C3orf20: variants seen among roughly 807,000 people sequenced by gnomAD.
The protein encoded by C3orf20 is family with sequence similarity 149 member C, also known as uncharacterized protein C3orf20.
A neutral mutation model predicts 88.3 loss-of-function variants in C3orf20; 76 were observed. The ratio of observed to expected loss-of-function variants is 0.86; its 90% CI spans 0.72 to 1.04. The LOEUF is 1.04. C3orf20 is among the 50% of genes least tolerant of loss of function. The pLI is 0.00. For missense variants in C3orf20, 1,056 were observed against 1,123.3 expected, an observed-to-expected ratio of 0.94 and a Z score of 0.86; for synonymous variants, 436 against 437.4, an observed-to-expected ratio of 1.00 and a Z score of 0.04.
At chr3:14,735,315 A>G (rs945711449) in intron 12 of C3orf20, among the ~76,000 whole-genome samples, 1 of 151,280 alleles carries the variant, frequency 6.6e-6, no homozygotes, top group Non-Finnish European at 1.5e-5. Context: ...TTTTTGCCTG[A>G]TTGTGTATTA....
rs1246092030 is a variant in C3orf20 at position 14,701,814 on chromosome 3, C to A, written c.746-1316C>A. On this transcript the variant is annotated intron_variant, in intron 5 of 16. Transcript: ENST00000253697. This position sits in a 1 kb window ranked among gnomAD's most constrained non-coding sequence, Gnocchi z 4.6. ...CTGGAAATGCTCTCTTTTCCTGGAACCCGGGGAGACATGGCCAGTCTCATC... is the reference window on the plus strand; with the variant it reads ...CTGGAAATGCTCTCTTTTCCTGGAAACCGGGGAGACATGGCCAGTCTCATC... Among the ~76,000 whole-genome samples, 5 of 152,284 alleles carry A rather than the reference C, an allele frequency of 3.3e-5. No individual in the cohort carries two copies. The highest frequency in any genetic ancestry group is 3.3e-4 in the Admixed American group (5 of 15,296).
At chr3:14,729,348 C>T (rs1192370180) in intron 12 of C3orf20, among the ~76,000 whole-genome samples, 6 of 152,144 alleles carry the variant, frequency 3.9e-5, no homozygotes, top group South Asian at 4.2e-4. Context: ...CACCAGGCAG[C>T]GGGCACAGCA....
At chr3:14,676,855 T>C (rs572858125) in intron 1 of C3orf20, among the ~76,000 whole-genome samples, 3 of 152,374 alleles carry the variant, frequency 2.0e-5, no homozygotes, top group South Asian at 4.1e-4. Flanking sequence ...CTCAATCTTA[T>C]GTGCAGTGGC....
chr3:14,676,028 T>C (rs1333859803), intron 1 of C3orf20, among the ~76,000 whole-genome samples: 1 of 152,016 alleles, frequency 6.6e-6, no homozygotes, highest in African/African-American at 2.4e-5. Context: ...TCTCCCTAAG[T>C]CTGAAAGCTC....
chr3:14,719,865 A>G (rs1053642714), intron 9 of C3orf20, among the ~76,000 whole-genome samples: 4 of 152,118 alleles, frequency 2.6e-5, no homozygotes, highest in African/African-American at 9.7e-5. Context: ...GAGGCTAACC[A>G]ATTTGTCTAA....
intron 12 of C3orf20, among the ~76,000 whole-genome samples, chr3:14,730,301 AC>A (rs1280547007): frequency 1.3e-5 from 2 of 152,084 alleles, no homozygotes; most frequent in African/African-American, 2.4e-5. Context: ...TAATCCCAGC[AC>A]TTTGGGAGGC....
chr3:14,690,241 T>A, intron 5 of C3orf20, 125 bp downstream of exon 5: 1 of 1,326,104 alleles, frequency 7.5e-7, no homozygotes, highest in Non-Finnish European at 1.0e-6. Flanking sequence ...GAAGGATACA[T>A]AGCGGCTCTG....
intron 12 of C3orf20, among the ~76,000 whole-genome samples, chr3:14,750,856 A>C (rs936702983): frequency 2.0e-5 from 3 of 152,030 alleles, no homozygotes; most frequent in African/African-American, 4.8e-5. Flanking sequence ...AAATTGGGAG[A>C]GTTTTAGGCA....
At chr3:14,690,174 A>G (rs2032653569) in intron 5 of C3orf20, 58 bp downstream of exon 5, 13 of 1,608,296 alleles carry the variant, frequency 8.1e-6, no homozygotes, top group Non-Finnish European at 1.1e-5. Context: ...GGTGGGGGAT[A>G]GGTTTCCGTC....
At chr3:14,717,949 T>C (rs1234934003) in intron 9 of C3orf20, among the ~76,000 whole-genome samples, 1 of 152,208 alleles carries the variant, frequency 6.6e-6, no homozygotes, top group Admixed American at 6.5e-5. Flanking sequence ...GTTTATTTTC[T>C]TTACCTGCTT....
Position 14,739,093 on chromosome 3 carries a change from C to T in C3orf20, c.1940+10405C>T, listed in dbSNP as rs112893716. 9.8e-4 allele frequency among the ~76,000 whole-genome samples: 149 copies of T among 152,108 alleles called. 1 individual carries two copies. The highest frequency in any genetic ancestry group is 3.4e-3 in the African/African-American group (142 of 41,436). ...GGCATGAGCCACTGTGCCTGGCTCA[C>T]AAATATTCTTAATGACATCAAGAAT... On this transcript the variant is annotated intron_variant, in intron 12 of 16. Transcript: ENST00000253697.
intron 12 of C3orf20, among the ~76,000 whole-genome samples, chr3:14,742,805 A>T (rs2034947040): frequency 6.6e-6 from 1 of 152,194 alleles, no homozygotes; most frequent in African/African-American, 2.4e-5. Flanking sequence ...GGCAAGAGAA[A>T]ACGAGGAAGA....
chr3:14,758,044 C>T (rs2035436069), intron 13 of C3orf20, among the ~76,000 whole-genome samples: 1 of 152,184 alleles, frequency 6.6e-6, no homozygotes, highest in African/African-American at 2.4e-5. Flanking sequence ...TCTGAAAATA[C>T]TTGTAGACTG....
intron 15 of C3orf20, among the ~76,000 whole-genome samples, chr3:14,769,446 G>A (rs970287610): frequency 2.0e-5 from 3 of 152,016 alleles, no homozygotes; most frequent in Non-Finnish European, 2.9e-5. Context: ...TCTGTAACAT[G>A]CTATCCAGAT....
chr3:14,759,939 C>T lies in C3orf20; in HGVS notation c.2293C>T (p.Leu765=), dbSNP rs753407715. Reference sequence around the variant, plus strand: ...GCTGCAGTATGACCTGGACAGCCCCCTGCAGGAGGACCCTCCCCTGATGGT... The same window carrying T: ...GCTGCAGTATGACCTGGACAGCCCCTTGCAGGAGGACCCTCCCCTGATGGT... The part of the protein sequence containing the change: ...RLLQYDLDSP[L]QEDPPLMVKK... The change falls in exon 14 of 17, where the codon CTG becomes TTG. Residue 765 remains leucine, a synonymous_variant. Transcript: ENST00000253697. 4 of 1,614,164 alleles carry T rather than the reference C, an allele frequency of 2.5e-6. No homozygotes were observed. In the South Asian group the frequency reaches 4.4e-5, roughly 18 times the overall value.
At chr3:14,731,534 G>T (rs1389192870) in intron 12 of C3orf20, among the ~76,000 whole-genome samples, 2 of 152,148 alleles carry the variant, frequency 1.3e-5, no homozygotes, top group East Asian at 3.8e-4. Context: ...CACAGTGAGA[G>T]GACACACCTA....
At position 14,761,631 on chromosome 3, in the gene C3orf20, C is replaced by G. The variant is rs374929198; in HGVS notation, c.2495+16C>G. The G allele has an allele frequency of 3.1e-6, 5 of 1,612,930 alleles. No homozygotes were observed. Among genetic ancestry groups the G allele is most frequent in the Non-Finnish European group, 4.2e-6 (5 of 1,179,608 alleles). On this transcript the variant is annotated intron_variant, in intron 15 of 16. Coordinates refer to ENST00000253697, the MANE Select transcript of C3orf20 (RefSeq NM_032137.5). ...ACAAATTCAGGTAAAACAGGAAACA[C>G]GCAGGATGAGGGATGGGCCTGGGGA...
intron 1 of C3orf20, among the ~76,000 whole-genome samples, chr3:14,678,211 CTG>C (rs1475248188): frequency 2.6e-5 from 4 of 152,242 alleles, no homozygotes; most frequent in Non-Finnish European, 4.4e-5. Context: ...GCATTCAACT[CTG>C]TGCTGCGTGT....
chr3:14,749,769 G>A (rs1163703069), intron 12 of C3orf20, among the ~76,000 whole-genome samples: 2 of 137,446 alleles, frequency 1.5e-5, no homozygotes, highest in Non-Finnish European at 3.1e-5. Flanking sequence ...TATTTTCTTT[G>A]TGGTTACCGT....
Sources: allele counts gnomAD v4.1 joint callset (sites outside exome capture counted in the v4.1 genomes callset), GRCh38; gene constraint gnomAD v4.1.1; non-coding constraint Gnocchi (gnomAD v3.1); transcripts MANE v1.5; gene names NCBI Gene and HGNC (gene_info 2026-07-23, HGNC 2026-07-21).